The following MIA3 variants were observed in gnomAD, a reference collection of about 807,000 sequenced individuals.
MIA3 encodes MIA SH3 domain ER export factor 3.
A neutral mutation model predicts 192.4 loss-of-function variants in MIA3; 90 were observed. The observed-to-expected ratio is 0.47, with a 90% CI of 0.39 to 0.56. MIA3 has a LOEUF of 0.56. MIA3 is among the 20% of genes least tolerant of loss of function. The pLI, the probability that MIA3 is intolerant of heterozygous loss-of-function variation, is 0.00. For synonymous variants in MIA3, 740 were observed against 792.8 expected (o/e 0.93, Z 1.12); for missense variants, 2,123 against 2,269.4 (o/e 0.94, Z 1.31).
Position 222,627,853 on chromosome 1 carries a change from C to G in MIA3, c.633C>G (p.Ser211=), listed in dbSNP as rs1476486410. 6.2e-7 allele frequency: 1 copy of G among 1,614,010 alleles called. No individual in the cohort carries two copies. The highest frequency in any genetic ancestry group is 1.1e-5 in the South Asian group (1 of 91,082). ...AGTTTACAACTCAGAAGCACCACTC[C>G]CATGCAAACAGCCAAGCAAATCATG... is the stretch of plus-strand genomic sequence containing the variant. ...QEQFTTQKHH[S]HANSQANHAQ... Residue 211 remains serine (S), a synonymous_variant, in exon 4 of 28, where the codon TCC becomes TCG. Transcript: ENST00000344922.
At chr1:222,654,589 AG>A in intron 17 of MIA3, 65 bp from the exon 18 acceptor site, 4 of 1,579,640 alleles carry the variant, frequency 2.5e-6, no homozygotes, top group Non-Finnish European at 3.5e-6. Context: ...TCTCAGCACC[AG>A]CCCCCAACCA....
rs748886546 is a variant in MIA3 at position 222,665,320 on chromosome 1, C to A, written c.5425C>A (p.Arg1809Ser). 8.1e-6 allele frequency: 13 copies of A among 1,603,480 alleles called. No individual in the cohort carries two copies. The highest frequency in any genetic ancestry group is 1.1e-5 in the Non-Finnish European group (13 of 1,175,880). Residue 1809 changes from arginine to serine, a missense_variant, in exon 28 of 28, where the codon CGT (arginine) becomes AGT (serine). This residue lies in a region of MIA3 where 762 missense variants were observed against 856.4 expected (regional missense o/e 0.89). Coordinates refer to ENST00000344922, the MANE Select transcript of MIA3 (RefSeq NM_198551.4). ...TTTTTGTTTTCCAGGCCCTGGTATG[C>A]GTCCACCACTAGGCTTAAGAGAATT... ...PLPPPFGPGMRPPLGLREFAP... is the reference protein window; with the variant it reads ...PLPPPFGPGMSPPLGLREFAP...
At chr1:222,659,404 G>T in intron 19 of MIA3, 49 bp from the exon 20 acceptor site, 1 of 1,553,202 alleles carries the variant, frequency 6.4e-7, no homozygotes, top group Non-Finnish European at 8.9e-7. Flanking sequence ...GATTGTTTGG[G>T]TTTTTATTCA....
rs200773823 is a variant in MIA3 at position 222,658,802 on chromosome 1, C to T, written c.4688C>T (p.Ala1563Val). 15 of 1,612,622 alleles carry T rather than the reference C, an allele frequency of 9.3e-6. No homozygotes were observed. The highest frequency in any genetic ancestry group is 1.7e-5 in the Admixed American group (1 of 59,754). ...GCAGATGAAAAGGCAGTTTCGGCTG[C>T]AGAGGAAGTAAAAACTTACAAGTAA... ...SAADEKAVSA[A>V]EEVKTYKRRI... is the part of the protein sequence containing the mutation. Residue 1563 changes from alanine (A) to valine (V), a missense_variant, in exon 19 of 28, where the codon GCA becomes GTA. By Grantham distance (64) the Ala-to-Val change is moderately conservative. Transcript: ENST00000344922.
At chr1:222,647,657 A>G (rs1265031474) in intron 7 of MIA3, among the ~76,000 whole-genome samples, 5 of 152,230 alleles carry the variant, frequency 3.3e-5, no homozygotes, top group Admixed American at 3.3e-4. Context: ...GTTAATAAAA[A>G]AATTCTAACG....
Position 222,630,355 on chromosome 1 carries a change from A to C in MIA3, c.3135A>C (p.Pro1045=). ...AGACAGCCACACTGGTGATGGCACC[A>C]CCTCTAGAGGAAGGCTTGGGTGGAG... is the stretch of plus-strand genomic sequence containing the variant. The part of the protein sequence containing the change: ...AEETATLVMA[P]PLEEGLGGAM... The change falls in exon 4 of 28, where the codon CCA becomes CCC. Residue 1045 remains proline, a synonymous_variant. Coordinates refer to ENST00000344922, the MANE Select transcript of MIA3 (RefSeq NM_198551.4). 1 of 1,612,282 alleles carries C rather than the reference A, an allele frequency of 6.2e-7. No homozygotes were observed. The highest frequency in any genetic ancestry group is 1.1e-5 in the South Asian group (1 of 90,800).
intron 25 of MIA3, 23 bp from the exon 26 acceptor site, chr1:222,662,230 A>C (rs774399382): frequency 6.2e-6 from 10 of 1,609,534 alleles, no homozygotes; most frequent in South Asian, 4.4e-5. Context: ...ATAAGTCTAC[A>C]TCAGTTCTCT....
intron 2 of MIA3, 97 bp from the exon 3 acceptor site, chr1:222,624,671 G>A (rs1375118118): frequency 3.0e-6 from 2 of 658,192 alleles, no homozygotes; most frequent in Admixed American, 2.5e-5. Flanking sequence ...TTGATTGCTT[G>A]ATATGTGCTG....
In MIA3 at chr1:222,628,590, AAGT is replaced by A; in HGVS notation, c.1372_1374del (p.Val458del). 1 of 1,614,182 alleles carries A rather than the reference AAGT, an allele frequency of 6.2e-7. No homozygotes were observed. The highest frequency in any genetic ancestry group is 8.5e-7 in the Non-Finnish European group (1 of 1,180,034). On this transcript the variant is annotated inframe_deletion, in exon 4 of 28. Transcript: ENST00000344922. ...ATTCCTAAAACAAATAATGACAAAG[AAGT>A]AAACGCAGAACATCACATTAAAGGA...
chr1:222,647,899 G>T, intron 7 of MIA3: 2 of 368,746 alleles, frequency 5.4e-6, no homozygotes, highest in Non-Finnish European at 1.1e-5. Context: ...TTTAGATACT[G>T]GAATTATTAT....
chr1:222,660,320 C>T lies in MIA3; in HGVS notation c.5113+6C>T. 1.2e-6 allele frequency: 2 copies of T among 1,604,512 alleles called. No individual in the cohort carries two copies. Among genetic ancestry groups the T allele is most frequent in the Non-Finnish European group, 1.7e-6 (2 of 1,176,982 alleles). ...TATGCCTAGAAGTGAATTTGGTGAGCATTCACATGTTTCCTTGCAATACTC... is the reference window on the plus strand; with the variant it reads ...TATGCCTAGAAGTGAATTTGGTGAGTATTCACATGTTTCCTTGCAATACTC... On this transcript the variant is annotated splice_donor_region_variant and intron_variant, in intron 24 of 27. Coordinates refer to ENST00000344922, the MANE Select transcript of MIA3 (RefSeq NM_198551.4).
intron 2 of MIA3, among the ~76,000 whole-genome samples, chr1:222,623,270 GTTTT>G (rs547728674): frequency 3.5e-5 from 5 of 144,124 alleles, no homozygotes; most frequent in African/African-American, 5.0e-5. Context: ...GTGAGCCTAT[GTTTT>G]TTTTTTTGTT....
rs17857325 is a variant in MIA3 at position 222,660,006 on chromosome 1, G to A, written c.4975G>A (p.Gly1659Ser). 1.2e-6 allele frequency: 2 copies of A among 1,610,496 alleles called. No individual in the cohort carries two copies. Among genetic ancestry groups the A allele is most frequent in the Admixed American group, 3.3e-5 (2 of 59,746 alleles). ...KPNTQNPPRR[G>S]PLSQNGSFGP... ...AAATACACAAAACCCTCCACGGAGA[G>A]GTAAGGGAGCTACCTTGTAAAGGGC... Residue 1659 changes from glycine (G) to serine (S), a missense_variant and splice_region_variant, in exon 23 of 28, where the codon GGT (glycine) becomes AGT (serine). By Grantham distance (56) the Gly-to-Ser change is moderately conservative (BLOSUM62 0). Around this residue, in one of 3 missense-constraint regions of MIA3, gnomAD observed 762 missense variants for 856.4 expected, o/e 0.89. Transcript: ENST00000344922.
chr1:222,654,774 A>T lies in MIA3; in HGVS notation c.4588A>T (p.Lys1530Ter). Residue 1530 changes from lysine to a stop codon, truncating the protein, a stop_gained, in exon 18 of 28, where the codon AAG becomes TAG. Transcript: ENST00000344922. LOFTEE classifies it high-confidence loss of function. Reference sequence around the variant, plus strand: ...GATTCTGAATGAGCTCTATCAGCAGAAGGAGATGGCTTTGCAAAAGTAAGA... The same window carrying T: ...GATTCTGAATGAGCTCTATCAGCAGTAGGAGATGGCTTTGCAAAAGTAAGA... ...VEILNELYQQKEMALQKKLSQ... is the reference protein window; with the variant it reads ...VEILNELYQQ 6.2e-7 allele frequency: 1 copy of T among 1,613,914 alleles called. No homozygotes were observed. Among genetic ancestry groups the T allele is most frequent in the Non-Finnish European group, 8.5e-7 (1 of 1,179,938 alleles).
chr1:222,653,437 C>A, intron 15 of MIA3, 98 bp downstream of exon 15: 1 of 738,050 alleles, frequency 1.4e-6, no homozygotes, highest in South Asian at 1.7e-5. Context: ...CTTAAGCTTT[C>A]GAGGTGTAAA....
At position 222,630,745 on chromosome 1, in the gene MIA3, T is replaced by C. The variant is rs182689934; in HGVS notation, c.3169+356T>C. On this transcript the variant is annotated intron_variant, in intron 4 of 27. Transcript: ENST00000344922. ...TTTTTCAGTCGTCAGATAACTGCTCTGTAACCATGGATTGACTGGTATAAC... is the reference window on the plus strand; with the variant it reads ...TTTTTCAGTCGTCAGATAACTGCTCCGTAACCATGGATTGACTGGTATAAC... Among the ~76,000 whole-genome samples the C allele has an allele frequency of 2.3e-4, 35 of 152,396 alleles. No individual in the cohort carries two copies. The South Asian group carries it at 4.3e-3, about 19-fold the overall frequency.
chr1:222,640,703 A>C (rs1456183307), intron 6 of MIA3, among the ~76,000 whole-genome samples: 2 of 152,224 alleles, frequency 1.3e-5, no homozygotes, highest in African/African-American at 4.8e-5. Flanking sequence ...ATTGGCAAAG[A>C]TTTCTTACAG....
At chr1:222,631,767 CTGTA>C (rs1033762019) in intron 4 of MIA3, among the ~76,000 whole-genome samples, 2 of 152,150 alleles carry the variant, frequency 1.3e-5, no homozygotes, top group African/African-American at 4.8e-5. Context: ...ATGTCCCTGT[CTGTA>C]CTAGTTCTGT....
chr1:222,630,069 C>T lies in MIA3; in HGVS notation c.2849C>T (p.Ala950Val), dbSNP rs1207584543. Residue 950 changes from alanine (A) to valine (V), a missense_variant, in exon 4 of 28, where the codon GCC becomes GTC. This residue lies in a region of MIA3 where 1,357 missense variants were observed against 1,396.1 expected (regional missense o/e 0.97). Coordinates refer to ENST00000344922, the MANE Select transcript of MIA3 (RefSeq NM_198551.4). ...QKYFNVHELE[A>V]LLQEMSSKLK... ...TACTTTAATGTCCATGAGCTGGAAGCCTTGCTACAAGAAATGTCATCAAAA... is the reference window on the plus strand; with the variant it reads ...TACTTTAATGTCCATGAGCTGGAAGTCTTGCTACAAGAAATGTCATCAAAA... 6.2e-7 allele frequency: 1 copy of T among 1,614,140 alleles called. No homozygotes were observed. Among genetic ancestry groups the T allele is most frequent in the Non-Finnish European group, 8.5e-7 (1 of 1,180,028 alleles).
Sources: gnomAD v4.1 joint callset for allele counts (sites outside exome capture counted in the v4.1 genomes callset) on GRCh38, gnomAD v4.1.1 for gene constraint, gnomAD v4.1.1 regional missense constraint, MANE v1.5 for transcripts, NCBI Gene and HGNC (gene_info 2026-07-23, HGNC 2026-07-21) for gene names.